The following CACNA1D variants were observed in gnomAD, a reference collection of about 807,000 sequenced individuals.
CACNA1D encodes the protein voltage-dependent L-type calcium channel subunit alpha-1D.
A neutral mutation model predicts 257.1 loss-of-function variants in CACNA1D; 55 were observed. That is an observed-to-expected ratio of 0.21 (90% CI 0.17 to 0.27). The LOEUF is 0.27. Among genes scored for constraint, CACNA1D ranks in the 10% least tolerant of loss-of-function variants. The pLI is 1.00. For missense variants in CACNA1D, 1,876 were observed against 2,784.0 expected, an observed-to-expected ratio of 0.67 and a Z score of 7.34; for synonymous variants, 980 against 1,014.9, an observed-to-expected ratio of 0.97 and a Z score of 0.65.
At chr3:53,652,743 A>G (rs1480434012) in intron 4 of CACNA1D, among the ~76,000 whole-genome samples, 1 of 152,232 alleles carries the variant, frequency 6.6e-6, no homozygotes, top group Non-Finnish European at 1.5e-5. Flanking sequence ...TAGCCCATCT[A>G]GCCTGCCACC....
intron 20 of CACNA1D, among the ~76,000 whole-genome samples, chr3:53,739,818 C>T (rs971488178): frequency 5.3e-5 from 8 of 152,222 alleles, no homozygotes; most frequent in Non-Finnish European, 1.2e-4. Flanking sequence ...CTGGCTCCGA[C>T]AGATGCCGCT....
chr3:53,801,898 A>T (rs2106788547), intron 42 of CACNA1D, among the ~76,000 whole-genome samples: 1 of 152,294 alleles, frequency 6.6e-6, no homozygotes, highest in African/African-American at 2.4e-5. Flanking sequence ...TTTGAACTTC[A>T]TATATTTGCA....
intron 3 of CACNA1D, among the ~76,000 whole-genome samples, chr3:53,648,338 T>C (rs988686043): frequency 1.3e-5 from 2 of 152,234 alleles, no homozygotes; most frequent in Non-Finnish European, 1.5e-5. Context: ...GGTCAGGGTC[T>C]GATGTGAGCA....
chr3:53,669,118 A>AT (rs1238255323), intron 7 of CACNA1D, among the ~76,000 whole-genome samples: 6 of 152,202 alleles, frequency 3.9e-5, no homozygotes, highest in African/African-American at 1.4e-4. Context: ...GTTCTCTAAG[A>AT]TTTTACTCTC....
In CACNA1D at chr3:53,666,539, A is replaced by G; in HGVS notation, c.1116+4A>G. On this transcript the variant is annotated splice_donor_region_variant and intron_variant, in intron 7 of 47. Transcript: ENST00000350061. ...CTGGACAGATGTGCTCTACTGGGTA[A>G]GTACCCTGGGGAGAGAGTTTATGGA... 2 of 1,610,158 alleles carry G rather than the reference A, an allele frequency of 1.2e-6. No homozygotes were observed. Among genetic ancestry groups the G allele is most frequent in the Non-Finnish European group, 1.7e-6 (2 of 1,176,354 alleles).
chr3:53,810,150 G>A lies in CACNA1D; in HGVS notation c.6044G>A (p.Ser2015Asn), dbSNP rs766889110. ...GAGGCCCTGGACCAGGTGAACGGCAGCCTGCCGTCCCTGCACCGCAGCTCC... is the reference window on the plus strand; with the variant it reads ...GAGGCCCTGGACCAGGTGAACGGCAACCTGCCGTCCCTGCACCGCAGCTCC... ...QSEALDQVNG[S>N]LPSLHRSSWY... Residue 2015 changes from serine to asparagine, a missense_variant, in exon 47 of 48, where the codon AGC (serine) becomes AAC (asparagine). Around this residue, in one of 10 missense-constraint regions of CACNA1D, gnomAD observed 491 missense variants for 554.3 expected, o/e 0.89. Transcript: ENST00000350061. 1.9e-6 allele frequency: 3 copies of A among 1,613,986 alleles called. No homozygotes were observed. The highest frequency in any genetic ancestry group is 2.2e-5 in the East Asian group (1 of 44,880).
At chr3:53,733,032 C>A in intron 19 of CACNA1D, 70 bp downstream of exon 19, 1 of 1,531,848 alleles carries the variant, frequency 6.5e-7, no homozygotes, top group Non-Finnish European at 9.0e-7. Flanking sequence ...TTGAGGGTGG[C>A]TCGGGTGGGG....
intron 3 of CACNA1D, among the ~76,000 whole-genome samples, chr3:53,558,875 T>C (rs1261356602): frequency 6.6e-6 from 1 of 152,194 alleles, no homozygotes; most frequent in African/African-American, 2.4e-5. Context: ...GGCAGTCTGC[T>C]GAGCTTCTTG....
intron 8 of CACNA1D, among the ~76,000 whole-genome samples, chr3:53,691,848 A>AATATATATTATATATTATATATATTAC: frequency 8.8e-6 from 1 of 114,066 alleles, no homozygotes; most frequent in South Asian, 2.4e-4. Context: ...TTACATATAT[A>AATATATATTATATATTATATATATTAC]ATATATAATA....
In CACNA1D at chr3:53,695,210, G is replaced by A. The variant is rs189052485; in HGVS notation, c.1221-7431G>A. Among the ~76,000 whole-genome samples the A allele has an allele frequency of 2.2e-3, 337 of 152,292 alleles. 3 individuals carry two copies. The highest frequency in any genetic ancestry group is 0.019 in the South Asian group (91 of 4,822). On this transcript the variant is annotated intron_variant, in intron 8 of 47. Coordinates refer to ENST00000350061, the MANE Select transcript of CACNA1D (RefSeq NM_001128840.3). Reference sequence around the variant, plus strand: ...TGCTGGGGAGGCTGGAGTCGCAGCAGCAGCTGAAAGGTCTTTAGAACGTGC... The same window carrying A: ...TGCTGGGGAGGCTGGAGTCGCAGCAACAGCTGAAAGGTCTTTAGAACGTGC...
At chr3:53,756,339 C>T (rs1400117774) in intron 29 of CACNA1D, among the ~76,000 whole-genome samples, 2 of 152,196 alleles carry the variant, frequency 1.3e-5, no homozygotes, top group East Asian at 3.8e-4. Flanking sequence ...ATGACCCAGC[C>T]TCTGCCAACC....
intron 4 of CACNA1D, among the ~76,000 whole-genome samples, chr3:53,658,019 T>C (rs2108314385): frequency 6.6e-6 from 1 of 152,370 alleles, no homozygotes; most frequent in South Asian, 2.1e-4. Flanking sequence ...TACTTAAGCT[T>C]TTTTTGAAGA....
chr3:53,712,866 T>A (rs2094774660), intron 9 of CACNA1D, among the ~76,000 whole-genome samples: 1 of 152,194 alleles, frequency 6.6e-6, no homozygotes, highest in African/African-American at 2.4e-5. Flanking sequence ...AGGCTACTAA[T>A]GGGACAGGTT....
chr3:53,731,296 T>A, intron 17 of CACNA1D, 150 bp downstream of exon 17: 1 of 655,164 alleles, frequency 1.5e-6, no homozygotes, highest in South Asian at 1.8e-5. Flanking sequence ...AGACCCTGGC[T>A]TCCCAGGGGG....
intron 3 of CACNA1D, among the ~76,000 whole-genome samples, chr3:53,624,825 AT>A (rs2093738409): frequency 6.6e-6 from 1 of 152,070 alleles, no homozygotes; most frequent in South Asian, 2.1e-4. Context: ...TATCCGTGGG[AT>A]TGTGTAGGGG....
intron 3 of CACNA1D, among the ~76,000 whole-genome samples, chr3:53,574,847 TG>T (rs1451645451): frequency 2.0e-5 from 3 of 152,168 alleles, no homozygotes; most frequent in African/African-American, 7.2e-5. Context: ...AGCCTTGAGA[TG>T]ACTTTAACCC....
rs114633523 is a variant in CACNA1D, at chr3:53,557,031, A to G, written c.483+55311A>G. On this transcript the variant is annotated intron_variant, in intron 3 of 47. Coordinates refer to ENST00000350061, the MANE Select transcript of CACNA1D (RefSeq NM_001128840.3). ...ATGCCCAGCTGTCTTTCTGTTCTCT[A>G]AGTGTGTTTTGCAGAGCAAAAGTTT... Among the ~76,000 whole-genome samples, 1,219 of 152,028 alleles carry G rather than the reference A, an allele frequency of 8.0e-3. 22 individuals carry two copies. Among genetic ancestry groups the G allele is most frequent in the African/African-American group, 0.028 (1,157 of 41,468 alleles).
chr3:53,694,185 G>A (rs1197700134), intron 8 of CACNA1D, among the ~76,000 whole-genome samples: 1 of 152,080 alleles, frequency 6.6e-6, no homozygotes, highest in African/African-American at 2.4e-5. Context: ...AGTGTCTGGT[G>A]GCCTCTCTGC....
At position 53,812,523 on chromosome 3, in the gene CACNA1D, G is replaced by GTACC. The variant is rs1259030947; in HGVS notation, c.*1119_*1122dup. On this transcript the variant is annotated 3_prime_UTR_variant, in exon 48 of 48. Transcript: ENST00000350061. ...GCAAGAGTTCCATGATTTTGATACT[G>GTACC]TACCTTTGGATCCACCATGGGTTGC... 6.6e-6 allele frequency: 1 copy of GTACC among 152,140 alleles called. No homozygotes were observed. The highest frequency in any genetic ancestry group is 1.5e-5 in the Non-Finnish European group (1 of 68,030). 9.4% of individuals were successfully genotyped at this position (152,140 alleles called of 1,614,324 possible).
Sources: gnomAD v4.1 joint callset for allele counts (sites outside exome capture counted in the v4.1 genomes callset) on GRCh38, gnomAD v4.1.1 for gene constraint, gnomAD v4.1.1 regional missense constraint, MANE v1.5 for transcripts, NCBI Gene and HGNC (gene_info 2026-07-23, HGNC 2026-07-21) for gene names.